Variants in SUSD4 observed in about 807,000 individuals in gnomAD.
The protein encoded by SUSD4 is sushi domain-containing protein 4.
In SUSD4, 41 loss-of-function variants were observed where a neutral mutation model predicts 50.5. The observed-to-expected ratio is 0.81, with a 90% CI of 0.63 to 1.05. The LOEUF (loss-of-function observed/expected upper bound fraction) is 1.05, where lower values mean the gene tolerates loss of function less well. Among genes scored for constraint, SUSD4 ranks in the 50% least tolerant of loss-of-function variants. SUSD4 has a pLI of 0.00. For missense variants in SUSD4, 580 were observed against 634.7 expected (o/e 0.91, Z 0.93); for synonymous variants, 257 against 257.3 (o/e 1.00, Z 0.01).
At chr1:223,237,478 A>G (rs1289795685) in intron 5 of SUSD4, among the ~76,000 whole-genome samples, 1 of 151,952 alleles carries the variant, frequency 6.6e-6, no homozygotes, top group Non-Finnish European at 1.5e-5. Context: ...GATGTTAGCT[A>G]TAGCTTTTTT....
chr1:223,258,077 T>C (rs1260495549), intron 5 of SUSD4, among the ~76,000 whole-genome samples: 1 of 152,086 alleles, frequency 6.6e-6, no homozygotes, highest in Non-Finnish European at 1.5e-5. Context: ...GAGGCCTGGA[T>C]TCTCTGCTGT....
chr1:223,283,223 T>A (rs1663878438), intron 3 of SUSD4, among the ~76,000 whole-genome samples: 1 of 152,064 alleles, frequency 6.6e-6, no homozygotes, highest in Non-Finnish European at 1.5e-5. Context: ...CAGTCAAAAT[T>A]GACAAATGGG....
At chr1:223,223,729 C>G in intron 7 of SUSD4, 98 bp from the exon 8 acceptor site, 2 of 1,377,986 alleles carry the variant, frequency 1.5e-6, no homozygotes, top group Non-Finnish European at 9.6e-7. Flanking sequence ...TCAGGACCCA[C>G]GATGGGCAGC....
intron 2 of SUSD4, among the ~76,000 whole-genome samples, chr1:223,354,705 T>C (rs1393394172): frequency 6.6e-6 from 1 of 152,180 alleles, no homozygotes; most frequent in Non-Finnish European, 1.5e-5. Context: ...TGGTTAACAG[T>C]GGTAGCTTAA....
chr1:223,301,850 A>G (rs994365789), intron 2 of SUSD4, among the ~76,000 whole-genome samples: 4 of 152,178 alleles, frequency 2.6e-5, no homozygotes, highest in African/African-American at 7.2e-5. Context: ...CCTTTTAACC[A>G]TCTCCTTACT....
chr1:223,275,347 T>A (rs189446828), intron 3 of SUSD4, among the ~76,000 whole-genome samples: 92 of 152,372 alleles, frequency 6.0e-4, no homozygotes, highest in African/African-American at 1.8e-3. Flanking sequence ...GATTTCTTGC[T>A]TTTCTCTTAA....
intron 5 of SUSD4, among the ~76,000 whole-genome samples, chr1:223,243,301 C>G (rs776797938): frequency 6.6e-6 from 1 of 152,182 alleles, no homozygotes; most frequent in African/African-American, 2.4e-5. Context: ...CTGGATGACC[C>G]TGGCTGTCTT....
chr1:223,295,372 A>T (rs1664753304), intron 2 of SUSD4, among the ~76,000 whole-genome samples: 1 of 152,212 alleles, frequency 6.6e-6, no homozygotes, highest in Admixed American at 6.5e-5. Context: ...CTGGCTATCC[A>T]TAGGTAAAAG....
At chr1:223,298,765 A>G (rs1664999758) in intron 2 of SUSD4, among the ~76,000 whole-genome samples, 1 of 152,240 alleles carries the variant, frequency 6.6e-6, no homozygotes, top group Non-Finnish European at 1.5e-5. Context: ...TGGAAGTTAC[A>G]ATGTGAGAGC....
At chr1:223,322,043 C>T (rs549028104) in intron 2 of SUSD4, among the ~76,000 whole-genome samples, 1 of 152,336 alleles carries the variant, frequency 6.6e-6, no homozygotes, top group African/African-American at 2.4e-5. Flanking sequence ...TTCCTTTGAG[C>T]ATCAGGTCAG....
At chr1:223,341,229 A>T (rs973246002) in intron 2 of SUSD4, among the ~76,000 whole-genome samples, 1 of 152,216 alleles carries the variant, frequency 6.6e-6, no homozygotes, top group African/African-American at 2.4e-5. Flanking sequence ...TAACATGGGA[A>T]CCCGAAAGGC....
chr1:223,259,620 C>T (rs969434924), intron 5 of SUSD4, among the ~76,000 whole-genome samples: 6 of 152,156 alleles, frequency 3.9e-5, no homozygotes, highest in Non-Finnish European at 7.4e-5. Context: ...CAGATACTAA[C>T]GGGTTGTGGG....
chr1:223,223,443 G>A lies in SUSD4; in HGVS notation c.1250C>T (p.Ser417Leu). Residue 417 changes from serine to leucine, a missense_variant, in exon 8 of 9, where the codon TCA (serine) becomes TTA (leucine). Coordinates refer to ENST00000366878, the MANE Select transcript of SUSD4 (RefSeq NM_017982.4). ...CCCTGGGCCTGTGTCCGTGTCCCCT[G>A]AGCCGGGGTATGCTGGGGGGCTCTG... ...DDQSPPAYPG[S>L]GDTDTGPGES... 5 of 1,614,072 alleles carry A rather than the reference G, an allele frequency of 3.1e-6. No homozygotes were observed. Among genetic ancestry groups the A allele is most frequent in the Non-Finnish European group, 4.2e-6 (5 of 1,180,000 alleles).
At chr1:223,243,132 C>T (rs1398867797) in intron 5 of SUSD4, among the ~76,000 whole-genome samples, 1 of 152,080 alleles carries the variant, frequency 6.6e-6, no homozygotes, top group Non-Finnish European at 1.5e-5. Flanking sequence ...AGGCTCCAGG[C>T]TCCTCCCTGG....
chr1:223,221,513 C>T lies in SUSD4; in HGVS notation c.*679G>A, dbSNP rs369807774. 38 of 163,470 alleles carry T rather than the reference C, an allele frequency of 2.3e-4. No individual in the cohort carries two copies. The highest frequency in any genetic ancestry group is 7.8e-4 in the African/African-American group (33 of 42,116). 10.1% of individuals were successfully genotyped at this position (163,470 alleles called of 1,614,324 possible). ...TGTTACCAGAAGACAGCACAGAGTT[C>T]ATGAGCTCTACTTTGTGAAGAAATT... On this transcript the variant is annotated 3_prime_UTR_variant, in exon 9 of 9. Coordinates refer to ENST00000366878, the MANE Select transcript of SUSD4 (RefSeq NM_017982.4).
intron 5 of SUSD4, among the ~76,000 whole-genome samples, chr1:223,240,325 T>C (rs1660493424): frequency 6.6e-6 from 1 of 152,186 alleles, no homozygotes; most frequent in Non-Finnish European, 1.5e-5. Context: ...GCTTCCTGGA[T>C]CTGTGGTTTG....
chr1:223,265,517 G>A (rs1662431557), intron 4 of SUSD4, among the ~76,000 whole-genome samples: 1 of 152,234 alleles, frequency 6.6e-6, no homozygotes, highest in Non-Finnish European at 1.5e-5. Flanking sequence ...CAACTGCACT[G>A]CCAACATCCA....
At chr1:223,253,270 A>G (rs1433463060) in intron 5 of SUSD4, among the ~76,000 whole-genome samples, 1 of 152,030 alleles carries the variant, frequency 6.6e-6, no homozygotes, top group Non-Finnish European at 1.5e-5. Flanking sequence ...GGATGTGGGC[A>G]CAGTTCGGAG....
chr1:223,309,427 C>T (rs1665740077), intron 2 of SUSD4, among the ~76,000 whole-genome samples: 1 of 152,102 alleles, frequency 6.6e-6, no homozygotes, highest in South Asian at 2.1e-4. Context: ...AGAGCTTCTC[C>T]AGGGATAAGA....
Sources: gnomAD v4.1 joint callset for allele counts (sites outside exome capture counted in the v4.1 genomes callset) on GRCh38, gnomAD v4.1.1 for gene constraint, MANE v1.5 for transcripts, NCBI Gene and HGNC (gene_info 2026-07-23, HGNC 2026-07-21) for gene names.